The following CLDN14 variants were observed in gnomAD, a reference collection of about 807,000 sequenced individuals.
The protein encoded by CLDN14 is claudin-14.
CLDN14 carries 2 observed loss-of-function variants against 2.1 expected under a neutral mutation model. That is an observed-to-expected ratio of 0.96 (90% CI 0.39 to 3.01). The LOEUF (loss-of-function observed/expected upper bound fraction) is 3.01. CLDN14 is among the 30% of genes most tolerant of loss of function. The pLI, the probability that CLDN14 is intolerant of heterozygous loss-of-function variation, is 0.09. For missense variants in CLDN14, 298 were observed against 328.0 expected (o/e 0.91, Z 0.71); for synonymous variants, 136 against 154.4 (o/e 0.88, Z 0.88).
chr21:36,489,594 G>A (rs1047685978), intron 2 of CLDN14, among the ~76,000 whole-genome samples: 1 of 152,194 alleles, frequency 6.6e-6, no homozygotes, highest in Admixed American at 6.5e-5. Context: ...TGGGGGGCCG[G>A]GGACGACGGC....
intron 1 of CLDN14, among the ~76,000 whole-genome samples, chr21:36,514,843 T>A (rs1377202581): frequency 6.6e-6 from 1 of 152,062 alleles, no homozygotes; most frequent in East Asian, 1.9e-4. Flanking sequence ...ACTTCCCTCA[T>A]TTCCTTGGAA....
At chr21:36,516,504 A>C (rs896922993) in intron 1 of CLDN14, among the ~76,000 whole-genome samples, 2 of 152,238 alleles carry the variant, frequency 1.3e-5, no homozygotes, top group African/African-American at 4.8e-5. Context: ...TGACACAGCC[A>C]TCTGGAACTT....
intron 2 of CLDN14, chr21:36,487,425 TC>T: frequency 6.2e-6 from 1 of 162,214 alleles, no homozygotes. Context: ...GCCACCCTCC[TC>T]CCTCCCATTT....
intron 1 of CLDN14, among the ~76,000 whole-genome samples, chr21:36,473,370 G>A (rs1381015762): frequency 1.3e-5 from 2 of 152,232 alleles, no homozygotes; most frequent in East Asian, 3.8e-4. Context: ...TTACAGGTGT[G>A]AGCCACTGTG....
chr21:36,513,670 C>T (rs1568865177), intron 1 of CLDN14, among the ~76,000 whole-genome samples: 1 of 152,118 alleles, frequency 6.6e-6, no homozygotes, highest in Non-Finnish European at 1.5e-5. Context: ...GTCATAAGCC[C>T]TCTGTGGCTG....
At chr21:36,504,567 C>T (rs1228376090) in intron 2 of CLDN14, among the ~76,000 whole-genome samples, 2 of 152,126 alleles carry the variant, frequency 1.3e-5, no homozygotes, top group East Asian at 3.9e-4. Context: ...GTGGCTCATT[C>T]TTTCTTTGTG....
At position 36,523,787 on chromosome 21, in the gene CLDN14, GAAAGAA is replaced by G. The variant is rs1568868875; in HGVS notation, c.-219-13293_-219-13288del. On this transcript the variant is annotated intron_variant, in intron 1 of 2. Coordinates refer to the CLDN14 transcript ENST00000342108. ...AGAAAGAAAGAGAGAAAGAGAGAAA[GAAAGAA>G]AGAAAGAAAGAAAGAAAGAAAGAAA... Among the ~76,000 whole-genome samples, 11 of 56,364 alleles carry G rather than the reference GAAAGAA, an allele frequency of 2.0e-4. 2 individuals are homozygous for G. The highest frequency in any genetic ancestry group is 3.4e-4 in the Non-Finnish European group (10 of 29,706). The allele number at this position is 56,364 out of a possible 152,430, so 37.0% of individuals were successfully genotyped here. A position where few individuals can be genotyped will look rare whatever the true frequency, so the allele number is the denominator to read the frequency against.
At chr21:36,543,856 A>G (rs73902572) in intron 1 of CLDN14, among the ~76,000 whole-genome samples, 3,196 of 152,196 alleles carry the variant, frequency 0.021, 111 homozygotes, top group African/African-American at 0.073. Flanking sequence ...TGACACGTAA[A>G]CAGCCACCCC....
intron 1 of CLDN14, among the ~76,000 whole-genome samples, chr21:36,465,316 T>A (rs576056929): frequency 1.3e-5 from 2 of 152,342 alleles, no homozygotes; most frequent in East Asian, 3.9e-4. Flanking sequence ...GCTAGGCAAG[T>A]GGACCAGAGG....
intron 1 of CLDN14, among the ~76,000 whole-genome samples, chr21:36,468,470 GGAGGCT>G (rs1269631008): frequency 6.6e-6 from 1 of 152,034 alleles, no homozygotes; most frequent in East Asian, 1.9e-4. Flanking sequence ...CCAGCTACTT[GGAGGCT>G]GAGGGAGGAG....
intron 2 of CLDN14, among the ~76,000 whole-genome samples, chr21:36,493,582 C>T (rs1304283782): frequency 1.3e-5 from 2 of 152,116 alleles, no homozygotes; most frequent in African/African-American, 4.8e-5. Flanking sequence ...GCAAGGGAAG[C>T]TCAGTTCTTC....
intron 1 of CLDN14, among the ~76,000 whole-genome samples, chr21:36,547,781 C>T (rs889503288): frequency 2.6e-5 from 4 of 152,208 alleles, no homozygotes; most frequent in Non-Finnish European, 5.9e-5. Flanking sequence ...CTCCTGCCTC[C>T]ATCAGCTGGT....
At chr21:36,573,067 C>A (rs530192993) in intron 1 of CLDN14, among the ~76,000 whole-genome samples, 1 of 151,978 alleles carries the variant, frequency 6.6e-6, no homozygotes, top group African/African-American at 2.4e-5. Flanking sequence ...TTTGGAAGGC[C>A]GAGGCAGGTG....
chr21:36,558,379 G>A (rs1033885247), intron 1 of CLDN14, among the ~76,000 whole-genome samples: 1 of 152,120 alleles, frequency 6.6e-6, no homozygotes, highest in Non-Finnish European at 1.5e-5. Context: ...TGGGTAGTAT[G>A]AATCTTTTTA....
At chr21:36,519,315 A>T (rs997324681) in intron 1 of CLDN14, among the ~76,000 whole-genome samples, 2 of 152,220 alleles carry the variant, frequency 1.3e-5, no homozygotes, top group Admixed American at 6.5e-5. Context: ...TCATTACTGC[A>T]ACAAAAACCA....
intron 1 of CLDN14, among the ~76,000 whole-genome samples, chr21:36,566,526 C>T (rs1257780446): frequency 6.6e-6 from 1 of 152,188 alleles, no homozygotes; most frequent in African/African-American, 2.4e-5. Context: ...TGCAATGACT[C>T]TGTCCTCTGA....
At chr21:36,475,128 A>G (rs781134738) in intron 1 of CLDN14, among the ~76,000 whole-genome samples, 6 of 152,118 alleles carry the variant, frequency 3.9e-5, no homozygotes, top group Non-Finnish European at 5.9e-5. Flanking sequence ...ACCATAGACT[A>G]TCACGCCGGA....
intron 1 of CLDN14, among the ~76,000 whole-genome samples, chr21:36,477,118 T>C (rs1051412880): frequency 6.6e-6 from 1 of 152,150 alleles, no homozygotes; most frequent in African/African-American, 2.4e-5. Flanking sequence ...TGTTCAGAAA[T>C]TATTAAGAAT....
intron 1 of CLDN14, among the ~76,000 whole-genome samples, chr21:36,523,129 C>T (rs1568868559): frequency 6.6e-6 from 1 of 152,190 alleles, no homozygotes; most frequent in Non-Finnish European, 1.5e-5. Flanking sequence ...GCTTGATTGT[C>T]TGCGCCCAGG....
Sources: allele counts gnomAD v4.1 joint callset (sites outside exome capture counted in the v4.1 genomes callset), GRCh38; gene constraint gnomAD v4.1.1; transcripts MANE v1.5; gene names NCBI Gene and HGNC (gene_info 2026-07-23, HGNC 2026-07-21).